MAP3K13: variants seen among roughly 807,000 people sequenced by gnomAD.
The protein encoded by MAP3K13 is leucine zipper-bearing kinase.
Under a neutral mutation model 104.0 loss-of-function variants are expected in MAP3K13, and 52 were observed. That is an observed-to-expected ratio of 0.50 (90% CI 0.40 to 0.63). MAP3K13 has a LOEUF of 0.63. Ranked by LOEUF, MAP3K13 falls within the 20% of genes least tolerant of loss-of-function variation. MAP3K13 has a pLI of 0.00. For missense variants in MAP3K13, 914 were observed against 1,218.5 expected (o/e 0.75, Z 3.72); for synonymous variants, 394 against 442.2 (o/e 0.89, Z 1.37).
intron 2 of MAP3K13, among the ~76,000 whole-genome samples, chr3:185,347,505 C>G (rs1722972754): frequency 6.6e-6 from 1 of 152,194 alleles, no homozygotes; most frequent in Admixed American, 6.5e-5. Flanking sequence ...TGACATTGAT[C>G]TCGGTCTACT....
chr3:185,455,513 G>GATATATATGAC (rs1716525431), intron 7 of MAP3K13, among the ~76,000 whole-genome samples: 1 of 3,612 alleles, frequency 2.8e-4, no homozygotes, highest in Admixed American at 4.0e-3. Flanking sequence ...ATATATATGA[G>GATATATATGAC]ATATATATGA....
At position 185,334,586 on chromosome 3, in the gene MAP3K13, C is replaced by G. The variant is rs944129261; in HGVS notation, c.-86+48943C>G. Among the ~76,000 whole-genome samples the G allele has an allele frequency of 3.4e-5, 5 of 148,034 alleles. No individual in the cohort carries two copies. The East Asian group carries it at 9.9e-4, about 29-fold the overall frequency. On this transcript the variant is annotated intron_variant, in intron 2 of 14. Coordinates refer to the MAP3K13 transcript ENST00000424227. ...AAGAGTAGTTTTCTTTAACATGTTG[C>G]TGAAACAATGGATTTTCTTTTTTTT...
In MAP3K13 at chr3:185,418,522, C is replaced by T. The variant is rs1177312288; in HGVS notation, c.-85-9975C>T. ...GTTTCCAAAAGCACCCTGGCCAGAG[C>T]GGTGAGTCCCACCACCTCGAACTCT... On this transcript the variant is annotated intron_variant, in intron 1 of 13. Coordinates refer to ENST00000265026, the MANE Select transcript of MAP3K13 (RefSeq NM_004721.5). The surrounding 1 kb of genome is among the most constrained non-coding windows in gnomAD (Gnocchi z 4.5). The T allele has an allele frequency of 4.7e-5, 75 of 1,611,962 alleles. No homozygotes were observed. The highest frequency in any genetic ancestry group is 5.9e-5 in the Non-Finnish European group (70 of 1,179,862).
chr3:185,405,538 C>T (rs187793730), intron 1 of MAP3K13, among the ~76,000 whole-genome samples: 5 of 152,340 alleles, frequency 3.3e-5, no homozygotes, highest in African/African-American at 9.6e-5. Context: ...TTCTTGCCCT[C>T]CATTCTTTTC....
In MAP3K13 at chr3:185,485,856, CCTAA is replaced by C. The variant is rs1172573623; in HGVS notation, c.*3403_*3406del. The C allele has an allele frequency of 6.6e-6, 1 of 152,074 alleles. No homozygotes were observed. Among genetic ancestry groups the C allele is most frequent in the East Asian group, 1.9e-4 (1 of 5,194 alleles). 9.4% of individuals were successfully genotyped at this position (152,074 alleles called of 1,614,324 possible). ...TACATGTAGGGCATGACATAAAATG[CCTAA>C]CTGTGATGTCATCCTAGAACAAGAC... is the stretch of plus-strand genomic sequence containing the variant. On this transcript the variant is annotated 3_prime_UTR_variant, in exon 14 of 14. Transcript: ENST00000265026.
At chr3:185,392,855 C>T (rs112553029) in intron 1 of MAP3K13, among the ~76,000 whole-genome samples, 2 of 151,976 alleles carry the variant, frequency 1.3e-5, no homozygotes, top group African/African-American at 2.4e-5. Context: ...TCGAGACCAC[C>T]CTGGCCAACA....
intron 1 of MAP3K13, among the ~76,000 whole-genome samples, chr3:185,382,162 T>C (rs1185467227): frequency 6.6e-6 from 1 of 152,168 alleles, no homozygotes; most frequent in East Asian, 1.9e-4. Flanking sequence ...TTCCTAAACA[T>C]ATATACCTAT....
intron 7 of MAP3K13, among the ~76,000 whole-genome samples, chr3:185,453,735 C>T (rs1049177401): frequency 2.0e-5 from 3 of 148,258 alleles, no homozygotes; most frequent in African/African-American, 7.5e-5. Context: ...CGCCACTGCA[C>T]TCCACCCTGG....
At chr3:185,347,798 C>A (rs1722987583) in intron 2 of MAP3K13, among the ~76,000 whole-genome samples, 1 of 151,954 alleles carries the variant, frequency 6.6e-6, no homozygotes, top group African/African-American at 2.4e-5. Flanking sequence ...CACCTGAGGT[C>A]AGGAGTTCGA....
chr3:185,396,673 T>C (rs1712440313), intron 1 of MAP3K13, among the ~76,000 whole-genome samples: 1 of 152,218 alleles, frequency 6.6e-6, no homozygotes, highest in Non-Finnish European at 1.5e-5. Flanking sequence ...TGATACATTG[T>C]TCCTAAGGAC....
At chr3:185,393,721 T>G (rs955414158) in intron 1 of MAP3K13, among the ~76,000 whole-genome samples, 4 of 152,196 alleles carry the variant, frequency 2.6e-5, no homozygotes, top group Non-Finnish European at 5.9e-5. Context: ...GCCTCCAAAG[T>G]GCTGGGATTA....
intron 2 of MAP3K13, among the ~76,000 whole-genome samples, chr3:185,356,770 C>T (rs1054710575): frequency 6.6e-6 from 1 of 152,036 alleles, no homozygotes; most frequent in South Asian, 2.1e-4. Flanking sequence ...TTGGAGCACT[C>T]GCTTCAGATG....
chr3:185,288,778 G>C (rs910214904), intron 2 of MAP3K13, among the ~76,000 whole-genome samples: 1 of 152,096 alleles, frequency 6.6e-6, no homozygotes, highest in Admixed American at 6.6e-5. Context: ...AAATTATTAT[G>C]TTAACCATAT....
intron 1 of MAP3K13, among the ~76,000 whole-genome samples, chr3:185,404,798 A>C (rs764439591): frequency 6.6e-6 from 1 of 152,116 alleles, no homozygotes; most frequent in Non-Finnish European, 1.5e-5. Context: ...GCTGGTCTCA[A>C]ACTCCTGACC....
At chr3:185,398,263 T>A (rs1310022033) in intron 1 of MAP3K13, among the ~76,000 whole-genome samples, 2 of 152,140 alleles carry the variant, frequency 1.3e-5, no homozygotes, top group African/African-American at 4.8e-5. Flanking sequence ...GTAGCCCTAA[T>A]GCCTTTTTAG....
chr3:185,325,555 C>A (rs955175496), intron 2 of MAP3K13, among the ~76,000 whole-genome samples: 2 of 152,202 alleles, frequency 1.3e-5, no homozygotes, highest in Non-Finnish European at 2.9e-5. Context: ...TCAGTGTCAC[C>A]TCAAAACTGC....
intron 1 of MAP3K13, among the ~76,000 whole-genome samples, chr3:185,425,893 C>T (rs1422346400): frequency 1.3e-5 from 2 of 152,110 alleles, no homozygotes; most frequent in African/African-American, 4.8e-5. Context: ...ATATCTTTGT[C>T]CCATATCTAA....
intron 1 of MAP3K13, among the ~76,000 whole-genome samples, chr3:185,388,382 G>A (rs530002071): frequency 6.6e-6 from 1 of 152,130 alleles, no homozygotes; most frequent in African/African-American, 2.4e-5. Flanking sequence ...TGCACCTGTA[G>A]TTCCAGCTAC....
intron 1 of MAP3K13, among the ~76,000 whole-genome samples, chr3:185,381,107 C>G (rs747911252): frequency 6.6e-6 from 1 of 152,048 alleles, no homozygotes. Context: ...GGATTACAGG[C>G]GTGTGCTACC....
Sources: allele counts gnomAD v4.1 joint callset (sites outside exome capture counted in the v4.1 genomes callset), GRCh38; gene constraint gnomAD v4.1.1; non-coding constraint Gnocchi (gnomAD v3.1); transcripts MANE v1.5; gene names NCBI Gene and HGNC (gene_info 2026-07-23, HGNC 2026-07-21).